The following CDC42EP4 variants were observed in gnomAD, a reference collection of about 807,000 sequenced individuals.
The protein encoded by CDC42EP4 is CDC42 effector protein 4.
Under a neutral mutation model 5.6 loss-of-function variants are expected in CDC42EP4, and 6 were observed. The ratio of observed to expected loss-of-function variants is 1.07; its 90% CI spans 0.59 to 2.12. CDC42EP4 has a LOEUF of 2.12. Among genes scored for constraint, CDC42EP4 ranks in the 30% most tolerant of loss-of-function variants. CDC42EP4 has a pLI of 0.00. For missense variants in CDC42EP4, 490 were observed against 508.6 expected, an observed-to-expected ratio of 0.96 and a Z score of 0.35; for synonymous variants, 230 against 224.2, an observed-to-expected ratio of 1.03 and a Z score of -0.23.
rs1035198832 is a variant in CDC42EP4 at position 73,286,525 on chromosome 17, G to A, written c.-25C>T. The A allele has an allele frequency of 3.2e-6, 5 of 1,543,266 alleles. No homozygotes were observed. In the African/African-American group the frequency reaches 6.8e-5, roughly 21 times the overall value. On this transcript the variant is annotated 5_prime_UTR_variant, in exon 2 of 2. Coordinates refer to ENST00000335793, the MANE Select transcript of CDC42EP4 (RefSeq NM_012121.5). This position sits in a 1 kb window ranked among gnomAD's most constrained non-coding sequence, Gnocchi z 7.7. Reference sequence around the variant, plus strand: ...TCTTGCTGGATGGGCGGGGAGGTGGGCCCTCCCGAGGTAGCCGGCAGGTCT... The same window carrying A: ...TCTTGCTGGATGGGCGGGGAGGTGGACCCTCCCGAGGTAGCCGGCAGGTCT...
intron 1 of CDC42EP4, chr17:73,310,745 A>ACT (rs1285436209): frequency 1.2e-4 from 1 of 8,466 alleles, no homozygotes; most frequent in East Asian, 1.9e-3. Flanking sequence ...TCCCCCAGTC[A>ACT]CACACACACA....
chr17:73,308,646 G>A (rs576218921), intron 1 of CDC42EP4, among the ~76,000 whole-genome samples: 13 of 152,216 alleles, frequency 8.5e-5, no homozygotes, highest in Admixed American at 2.6e-4. Flanking sequence ...CAGACAGTCC[G>A]GGCCGCAGAA....
intron 1 of CDC42EP4, among the ~76,000 whole-genome samples, chr17:73,310,642 T>C (rs749784117): frequency 6.6e-6 from 1 of 151,934 alleles, no homozygotes; most frequent in Non-Finnish European, 1.5e-5. Context: ...TTCCCCTCCA[T>C]TCTCCCAGGG....
chr17:73,287,292 C>A (rs892859035), intron 1 of CDC42EP4, among the ~76,000 whole-genome samples: 1 of 152,124 alleles, frequency 6.6e-6, no homozygotes, highest in Non-Finnish European at 1.5e-5. Context: ...ATGAGGATCC[C>A]GCCTGTGACG....
intron 1 of CDC42EP4, among the ~76,000 whole-genome samples, chr17:73,293,927 T>C (rs1308372404): frequency 2.6e-5 from 4 of 152,206 alleles, no homozygotes; most frequent in Non-Finnish European, 5.9e-5. Context: ...CTGACTTTAG[T>C]ATTCTTGGGG....
intron 1 of CDC42EP4, among the ~76,000 whole-genome samples, chr17:73,291,488 C>A (rs1299786580): frequency 1.3e-5 from 2 of 152,164 alleles, no homozygotes; most frequent in Non-Finnish European, 2.9e-5. Flanking sequence ...CGAGCTGGAT[C>A]ATAGAGTTTA....
At chr17:73,298,569 G>A (rs2062200501) in intron 1 of CDC42EP4, among the ~76,000 whole-genome samples, 1 of 152,204 alleles carries the variant, frequency 6.6e-6, no homozygotes, top group South Asian at 2.1e-4. Context: ...TCACTACAAG[G>A]GAGCAGAGAA....
intron 1 of CDC42EP4, among the ~76,000 whole-genome samples, chr17:73,302,222 T>C (rs1239123113): frequency 6.6e-6 from 1 of 152,196 alleles, no homozygotes; most frequent in Non-Finnish European, 1.5e-5. Flanking sequence ...ACTATATGAT[T>C]GAATCTTTTG....
chr17:73,307,957 A>G (rs540096398), intron 1 of CDC42EP4, among the ~76,000 whole-genome samples: 5 of 147,112 alleles, frequency 3.4e-5, no homozygotes, highest in African/African-American at 1.3e-4. Flanking sequence ...GGCCAGGCTG[A>G]TCTCAAACTC....
chr17:73,304,845 T>A (rs552597830), intron 1 of CDC42EP4, among the ~76,000 whole-genome samples: 2 of 152,276 alleles, frequency 1.3e-5, no homozygotes, highest in African/African-American at 4.8e-5. Flanking sequence ...TATAGATTAA[T>A]CCTGGAAAAT....
In CDC42EP4 at chr17:73,286,285, TGAA is replaced by T. The variant is rs1463118152; in HGVS notation, c.213_215del (p.Ser74del). 1.9e-6 allele frequency: 3 copies of T among 1,614,080 alleles called. No individual in the cohort carries two copies. The highest frequency in any genetic ancestry group is 1.7e-5 in the Admixed American group (1 of 60,012). On this transcript the variant is annotated inframe_deletion, in exon 2 of 2. Transcript: ENST00000335793. The surrounding 1 kb of genome is among the most constrained non-coding windows in gnomAD (Gnocchi z 7.7). The stretch of plus-strand genomic sequence containing the variant: ...TGGACAGGAGACTGCGTTTGGAAGA[TGAA>T]GAAGAGGGCTGTTCGTCCAAGGACT...
At chr17:73,309,848 A>C (rs993004998) in intron 1 of CDC42EP4, 4 of 152,370 alleles carry the variant, frequency 2.6e-5, no homozygotes, top group Admixed American at 6.5e-5. Context: ...GATCTCCCCA[A>C]ATTCACTGAA....
intron 1 of CDC42EP4, among the ~76,000 whole-genome samples, chr17:73,301,649 C>G (rs1044969997): frequency 6.6e-6 from 1 of 151,786 alleles, no homozygotes; most frequent in South Asian, 2.1e-4. Context: ...TGGGTTCAAG[C>G]AATTCTTGTG....
At chr17:73,297,166 C>T (rs548766618) in intron 1 of CDC42EP4, among the ~76,000 whole-genome samples, 6 of 146,970 alleles carry the variant, frequency 4.1e-5, no homozygotes, top group South Asian at 4.3e-4. Context: ...TGGTGGCAGG[C>T]GCCTGTAATC....
intron 1 of CDC42EP4, chr17:73,310,753 A>T (rs903316115): frequency 8.5e-4 from 32 of 37,494 alleles, no homozygotes; most frequent in African/African-American, 1.8e-3. Flanking sequence ...TCACACACAC[A>T]CACACACACA....
intron 1 of CDC42EP4, among the ~76,000 whole-genome samples, chr17:73,289,761 G>GGGT (rs2062152193): frequency 7.2e-6 from 1 of 139,536 alleles, no homozygotes; most frequent in African/African-American, 2.6e-5. Flanking sequence ...GAGGAAGGGA[G>GGGT]GGGAAGGAAA....
At chr17:73,308,039 G>A (rs1324027037) in intron 1 of CDC42EP4, among the ~76,000 whole-genome samples, 2 of 152,114 alleles carry the variant, frequency 1.3e-5, no homozygotes, top group Non-Finnish European at 2.9e-5. Context: ...ACTGTGCCCG[G>A]CCCTAATGTC....
At chr17:73,303,247 G>A (rs1454116311) in intron 1 of CDC42EP4, among the ~76,000 whole-genome samples, 1 of 152,040 alleles carries the variant, frequency 6.6e-6, no homozygotes, top group Non-Finnish European at 1.5e-5. Context: ...GAAGGCTGAG[G>A]CAGGAGAATG....
intron 1 of CDC42EP4, among the ~76,000 whole-genome samples, chr17:73,297,052 G>A (rs1168962731): frequency 2.7e-5 from 4 of 148,088 alleles, no homozygotes; most frequent in Non-Finnish European, 5.9e-5. Context: ...CCAGCACTTT[G>A]GGAGGCCGAG....
Sources: gnomAD v4.1 joint callset for allele counts (sites outside exome capture counted in the v4.1 genomes callset) on GRCh38, gnomAD v4.1.1 for gene constraint, Gnocchi (gnomAD v3.1) non-coding constraint, MANE v1.5 for transcripts, NCBI Gene and HGNC (gene_info 2026-07-23, HGNC 2026-07-21) for gene names.